The following STAU1 variants were observed in gnomAD, a reference collection of about 807,000 sequenced individuals.
The protein encoded by STAU1 is double-stranded RNA-binding protein Staufen homolog 1.
Under a neutral mutation model 62.9 loss-of-function variants are expected in STAU1, and 13 were observed. The observed-to-expected ratio is 0.21, with a 90% CI of 0.13 to 0.33. The LOEUF is 0.33. STAU1 is among the 10% of genes least tolerant of loss of function. The probability of loss-of-function intolerance (pLI) is 1.00; values close to 1 mark genes in which losing one functional copy is unlikely to be tolerated. For synonymous variants in STAU1, 269 were observed against 265.1 expected (o/e 1.01, Z -0.14); for missense variants, 571 against 712.1 (o/e 0.80, Z 2.25).
At chr20:49,176,086 G>A (rs1416871108) in intron 1 of STAU1, among the ~76,000 whole-genome samples, 3 of 152,250 alleles carry the variant, frequency 2.0e-5, no homozygotes, top group Non-Finnish European at 2.9e-5. Flanking sequence ...GAGCCACCGC[G>A]CCCGGCAATA....
chr20:49,207,973 C>T, the STAU1 span, among the ~76,000 whole-genome samples: 5 of 151,840 alleles, frequency 3.3e-5, no homozygotes, highest in Non-Finnish European at 4.4e-5. Flanking sequence ...CGCTGCCTCC[C>T]GGGTTCAAGT....
In STAU1 at chr20:49,151,702, T is replaced by C. The variant is rs776192065; in HGVS notation, c.390A>G (p.Glu130=). The C allele has an allele frequency of 1.9e-6, 3 of 1,610,952 alleles. No individual in the cohort carries two copies. Among genetic ancestry groups the C allele is most frequent in the Non-Finnish European group, 2.5e-6 (3 of 1,179,046 alleles). Reference sequence around the variant, plus strand: ...TAAATTGCTGTCCTCCCACAGAAAGTTCCACTTGATAAAGTAAAGGTGGAA... The same window carrying C: ...TAAATTGCTGTCCTCCCACAGAAAGCTCCACTTGATAAAGTAAAGGTGGAA... ...FPVPPLLYQV[E]LSVGGQQFNG... The change falls in exon 5 of 14, where the codon GAA becomes GAG. Residue 130 remains glutamate, a synonymous_variant. Coordinates refer to ENST00000371856, the MANE Select transcript of STAU1 (RefSeq NM_017453.4).
At chr20:49,201,977 T>C in the STAU1 span, among the ~76,000 whole-genome samples, 1,885 of 151,996 alleles carry the variant, frequency 0.012, 22 homozygotes, top group South Asian at 0.062. Flanking sequence ...TCCCAGCACT[T>C]TGGGAGGCCG....
intron 1 of STAU1, among the ~76,000 whole-genome samples, chr20:49,177,389 A>C (rs2093673054): frequency 1.3e-5 from 2 of 152,052 alleles, no homozygotes; most frequent in African/African-American, 4.8e-5. Flanking sequence ...AAAATTTAAA[A>C]ATTTAAGGGC....
chr20:49,195,904 A>AAAAAAAAAAAAAAAAAG, the STAU1 span, among the ~76,000 whole-genome samples: 104 of 95,332 alleles, frequency 1.1e-3, 2 homozygotes, highest in Non-Finnish European at 1.7e-3. Flanking sequence ...CTCTCAAAAA[A>AAAAAAAAAAAAAAAAAG]AAAAAAAAAA....
the STAU1 span, among the ~76,000 whole-genome samples, chr20:49,205,158 C>T: frequency 5.9e-5 from 9 of 152,142 alleles, no homozygotes; most frequent in African/African-American, 2.2e-4. Flanking sequence ...AAATCCCGTG[C>T]TATATAAATT....
chr20:49,124,393 T>C lies in STAU1; in HGVS notation c.804A>G (p.Lys268=), dbSNP rs1294733982. ...VERVKPRIKK[K]TKPIVKPQTS... ...TTCTCACCTTGACTATGGGTTTTGTTTTCTTTTTGATTCTAGGCTTTACTC... is the reference window on the plus strand; with the variant it reads ...TTCTCACCTTGACTATGGGTTTTGTCTTCTTTTTGATTCTAGGCTTTACTC... The change falls in exon 7 of 14, where the codon AAA becomes AAG. Residue 268 remains lysine (K), a synonymous_variant. Coordinates refer to ENST00000371856, the MANE Select transcript of STAU1 (RefSeq NM_017453.4). 1 of 1,614,028 alleles carries C rather than the reference T, an allele frequency of 6.2e-7. No individual in the cohort carries two copies. The highest frequency in any genetic ancestry group is 1.1e-5 in the South Asian group (1 of 91,070).
chr20:49,207,800 G>A, the STAU1 span, among the ~76,000 whole-genome samples: 24 of 152,128 alleles, frequency 1.6e-4, no homozygotes, highest in Non-Finnish European at 3.1e-4. Flanking sequence ...GATTATAGGC[G>A]TGAGCCACCA....
intron 3 of STAU1, among the ~76,000 whole-genome samples, chr20:49,156,078 G>C (rs1471742078): frequency 6.6e-6 from 1 of 152,090 alleles, no homozygotes; most frequent in Non-Finnish European, 1.5e-5. Context: ...TTGTATTTAA[G>C]TAATATTTAC....
the STAU1 span, among the ~76,000 whole-genome samples, chr20:49,202,226 AAAAAAAAG>A: frequency 1.4e-5 from 1 of 72,834 alleles, no homozygotes; most frequent in Non-Finnish European, 2.9e-5. Context: ...TCTCAAAAAA[AAAAAAAAG>A]AAAGAAAGAA....
intron 6 of STAU1, among the ~76,000 whole-genome samples, chr20:49,126,574 C>CAAAAAAAAAAAAAAAA (rs58056780): frequency 4.0e-5 from 1 of 25,040 alleles, no homozygotes; most frequent in African/African-American, 1.4e-4. Context: ...TCTCAAAAAG[C>CAAAAAAAAAAAAAAAA]AAAAAAAAAA....
chr20:49,141,368 T>G (rs1238173616), intron 5 of STAU1, among the ~76,000 whole-genome samples: 1 of 152,160 alleles, frequency 6.6e-6, no homozygotes, highest in Non-Finnish European at 1.5e-5. Flanking sequence ...ATGGATGGTT[T>G]GTTTGAAGTC....
chr20:49,127,229 C>T (rs946310518), intron 6 of STAU1, among the ~76,000 whole-genome samples: 1 of 152,036 alleles, frequency 6.6e-6, no homozygotes, highest in East Asian at 1.9e-4. Flanking sequence ...TGGCGGGCAC[C>T]TGTAATCCCA....
At chr20:49,211,380 C>T in the STAU1 span, among the ~76,000 whole-genome samples, 147,395 of 148,904 alleles carry the variant, frequency 0.99, 72,944 homozygotes, top group South Asian at 1. Flanking sequence ...TTTTTTTTTT[C>T]TTTTAATAGA....
chr20:49,196,444 C>CAAAAAAAA, the STAU1 span, among the ~76,000 whole-genome samples: 6 of 91,536 alleles, frequency 6.6e-5, no homozygotes, highest in African/African-American at 1.5e-4. Flanking sequence ...CAAAACAAAA[C>CAAAAAAAA]AAAAAAAAAA....
intron 3 of STAU1, chr20:49,159,147 C>G: frequency 9.5e-7 from 1 of 1,055,790 alleles, no homozygotes. Flanking sequence ...GGGGAAAAAG[C>G]TAAAAAAAAA....
chr20:49,149,273 C>CACAT (rs1384048553), intron 5 of STAU1, among the ~76,000 whole-genome samples: 1 of 150,588 alleles, frequency 6.6e-6, no homozygotes, highest in Non-Finnish European at 1.5e-5. Context: ...CACACACACA[C>CACAT]ACACACACAC....
chr20:49,134,573 G>GC, intron 6 of STAU1: 1 of 1,299,200 alleles, frequency 7.7e-7, no homozygotes, highest in South Asian at 1.2e-5. Flanking sequence ...CAAAGGACCT[G>GC]CCCCCAGAGA....
At chr20:49,149,352 G>T (rs1301960365) in intron 5 of STAU1, among the ~76,000 whole-genome samples, 2 of 149,458 alleles carry the variant, frequency 1.3e-5, no homozygotes, top group African/African-American at 2.5e-5. Context: ...ACACCCCCAA[G>T]CAAGTACAAC....
Sources: allele counts gnomAD v4.1 joint callset (sites outside exome capture counted in the v4.1 genomes callset), GRCh38; gene constraint gnomAD v4.1.1; transcripts MANE v1.5; gene names NCBI Gene and HGNC (gene_info 2026-07-23, HGNC 2026-07-21).